RGS9: variants seen among roughly 807,000 people sequenced by gnomAD.
RGS9 encodes the protein regulator of G protein signaling 9.
Under a neutral mutation model 102.0 loss-of-function variants are expected in RGS9, and 78 were observed. That is an observed-to-expected ratio of 0.76 (90% CI 0.64 to 0.92). The LOEUF (loss-of-function observed/expected upper bound fraction) is 0.92, where lower values mean the gene tolerates loss of function less well. Ranked by LOEUF, RGS9 falls within the 40% of genes least tolerant of loss-of-function variation. The pLI is 0.00. For synonymous variants in RGS9, 353 were observed against 318.6 expected, an observed-to-expected ratio of 1.11 and a Z score of -1.15; for missense variants, 833 against 866.1, an observed-to-expected ratio of 0.96 and a Z score of 0.48.
chr17:65,142,907 C>CA (rs1555610516), intron 1 of RGS9, among the ~76,000 whole-genome samples: 1 of 151,036 alleles, frequency 6.6e-6, no homozygotes, highest in Non-Finnish European at 1.5e-5. Context: ...TTCTTTCTTT[C>CA]TTTTTTTTTC....
At chr17:65,213,520 A>G (rs574086222) in intron 17 of RGS9, among the ~76,000 whole-genome samples, 1 of 149,798 alleles carries the variant, frequency 6.7e-6, no homozygotes, top group Non-Finnish European at 1.5e-5. Flanking sequence ...GGTGGTGAGC[A>G]TGTTGTTGAG....
At chr17:65,161,019 G>A (rs1910964019) in intron 6 of RGS9, 110 bp downstream of exon 6, 2 of 895,428 alleles carry the variant, frequency 2.2e-6, no homozygotes, top group Middle Eastern at 2.2e-4. Flanking sequence ...ACATTCATAT[G>A]CAATCCATCC....
chr17:65,224,483 G>C (rs528502337), intron 17 of RGS9, among the ~76,000 whole-genome samples: 1 of 152,330 alleles, frequency 6.6e-6, no homozygotes, highest in African/African-American at 2.4e-5. Flanking sequence ...TACTGGGCAG[G>C]GCTCAGAGCA....
chr17:65,159,477 C>G (rs1025155472), intron 3 of RGS9, among the ~76,000 whole-genome samples: 8 of 152,044 alleles, frequency 5.3e-5, no homozygotes, highest in African/African-American at 1.4e-4. Context: ...GGAGCGAGAC[C>G]TGGAGAGGGA....
chr17:65,156,289 C>T (rs1457132822), intron 2 of RGS9, among the ~76,000 whole-genome samples: 2 of 152,238 alleles, frequency 1.3e-5, no homozygotes, highest in African/African-American at 4.8e-5. Flanking sequence ...TCCCAAAGTG[C>T]CGGGATTACA....
At chr17:65,214,885 C>T (rs535365339) in intron 17 of RGS9, among the ~76,000 whole-genome samples, 16 of 152,346 alleles carry the variant, frequency 1.1e-4, no homozygotes, top group African/African-American at 3.6e-4. Context: ...TCCCCATCCA[C>T]CCCTGGCTGA....
intron 1 of RGS9, among the ~76,000 whole-genome samples, chr17:65,139,562 C>T (rs1414679094): frequency 6.6e-6 from 1 of 152,164 alleles, no homozygotes; most frequent in Admixed American, 6.5e-5. Context: ...AACCCGGTGC[C>T]CTTTCATGCC....
At position 65,137,411 on chromosome 17, in the gene RGS9, G is replaced by C; in HGVS notation, c.-130G>C. On this transcript the variant is annotated 5_prime_UTR_variant, in exon 1 of 19. Transcript: ENST00000262406. ...TGAGAGTCAGGGGGGCCCGGCCCGC[G>C]CCCTCCCCGCCCAGCCGCCTCCCCG... The C allele has an allele frequency of 1.1e-6, 1 of 881,600 alleles. No homozygotes were observed. The highest frequency in any genetic ancestry group is 1.9e-6 in the Non-Finnish European group (1 of 538,098). The allele number at this position is 881,600 out of a possible 1,614,324, so 54.6% of individuals were successfully genotyped here.
At chr17:65,145,479 C>A in intron 1 of RGS9, among the ~76,000 whole-genome samples, 1 of 151,946 alleles carries the variant, frequency 6.6e-6, no homozygotes, top group Non-Finnish European at 1.5e-5. Context: ...ACCTCTGCCT[C>A]CCGGGTTCAA....
intron 17 of RGS9, among the ~76,000 whole-genome samples, chr17:65,223,752 C>CTTTTT (rs528795738): frequency 7.3e-6 from 1 of 137,594 alleles, no homozygotes; most frequent in Non-Finnish European, 1.6e-5. Context: ...TCATGCCAGG[C>CTTTTT]TTTTTTTTTT....
At chr17:65,152,489 A>T (rs1371071407) in intron 1 of RGS9, among the ~76,000 whole-genome samples, 1 of 152,186 alleles carries the variant, frequency 6.6e-6, no homozygotes, top group Non-Finnish European at 1.5e-5. Flanking sequence ...CTCTGCTGAG[A>T]ATACAAAGAG....
chr17:65,190,271 G>A (rs1912317987), intron 11 of RGS9, 35 bp downstream of exon 11: 1 of 1,528,166 alleles, frequency 6.5e-7, no homozygotes, highest in African/African-American at 1.4e-5. Flanking sequence ...GCTAAAGTCT[G>A]ATGAACAGGT....
chr17:65,205,718 T>C (rs1430702353), intron 15 of RGS9, among the ~76,000 whole-genome samples: 2 of 151,792 alleles, frequency 1.3e-5, no homozygotes, highest in Non-Finnish European at 2.9e-5. Flanking sequence ...TAATGTGTTA[T>C]AGGCTATCTG....
chr17:65,212,729 A>C (rs190359749), intron 17 of RGS9, among the ~76,000 whole-genome samples: 1 of 152,330 alleles, frequency 6.6e-6, no homozygotes, highest in East Asian at 1.9e-4. Context: ...TTCCATTTGC[A>C]CTGGTTGCAG....
At chr17:65,202,601 G>A (rs1258170034) in intron 14 of RGS9, among the ~76,000 whole-genome samples, 1 of 152,102 alleles carries the variant, frequency 6.6e-6, no homozygotes, top group Non-Finnish European at 1.5e-5. Context: ...TACAAACATG[G>A]GTGGGCACAT....
In RGS9 at chr17:65,227,401, C is replaced by A. The variant is rs746480302; in HGVS notation, c.2019C>A (p.Ser673Arg). 3 of 1,613,432 alleles carry A rather than the reference C, an allele frequency of 1.9e-6. No individual in the cohort carries two copies. The East Asian group carries it at 6.7e-5, about 36-fold the overall frequency. Residue 673 changes from serine to arginine, a missense_variant, in exon 19 of 19, where the codon AGC becomes AGA. Ser to Arg is a moderately radical substitution (Grantham distance 110). Transcript: ENST00000262406. ...TEKEVICPWE[S>R]L ...AGGAGGTCATCTGCCCCTGGGAGAG[C>A]CTGTAAGGAAAGAGGCAGGCTGAGC... is the stretch of plus-strand genomic sequence containing the variant.
intron 9 of RGS9, among the ~76,000 whole-genome samples, chr17:65,178,126 C>G (rs1400107529): frequency 6.6e-6 from 1 of 152,156 alleles, no homozygotes; most frequent in African/African-American, 2.4e-5. Context: ...TGAGCTCATT[C>G]CACTCAAAGA....
chr17:65,165,068 G>A (rs576188850), intron 7 of RGS9, among the ~76,000 whole-genome samples: 1 of 152,246 alleles, frequency 6.6e-6, no homozygotes, highest in African/African-American at 2.4e-5. Context: ...GGGCTCCAGG[G>A]ACACAGAGAT....
chr17:65,145,164 C>A (rs1383183133), intron 1 of RGS9, among the ~76,000 whole-genome samples: 1 of 152,112 alleles, frequency 6.6e-6, no homozygotes, highest in East Asian at 1.9e-4. Context: ...GATCTTGGCT[C>A]ACTACAACCT....
Sources: gnomAD v4.1 joint callset for allele counts (sites outside exome capture counted in the v4.1 genomes callset) on GRCh38, gnomAD v4.1.1 for gene constraint, MANE v1.5 for transcripts, NCBI Gene and HGNC (gene_info 2026-07-23, HGNC 2026-07-21) for gene names.